Variants in TANC2 observed in about 807,000 individuals in gnomAD.
TANC2 encodes the protein tetratricopeptide repeat, ankyrin repeat and coiled-coil containing 2, also known as protein TANC2.
A neutral mutation model predicts 210.5 loss-of-function variants in TANC2; 26 were observed. The observed-to-expected ratio is 0.12, with a 90% confidence interval of 0.09 to 0.17. TANC2 has a LOEUF of 0.17. Ranked by LOEUF, TANC2 falls within the 10% of genes least tolerant of loss-of-function variation. The pLI is 1.00. For missense variants in TANC2, 2,129 were observed against 2,608.9 expected, an observed-to-expected ratio of 0.82 and a Z score of 4.01; for synonymous variants, 931 against 967.1, an observed-to-expected ratio of 0.96 and a Z score of 0.69.
chr17:63,389,031 G>T (rs2047876752), intron 16 of TANC2, among the ~76,000 whole-genome samples: 1 of 152,146 alleles, frequency 6.6e-6, no homozygotes, highest in Non-Finnish European at 1.5e-5. Flanking sequence ...CTTTGTCTTG[G>T]TAGGAGCTTT....
At chr17:63,365,518 G>T (rs1307825594) in intron 14 of TANC2, among the ~76,000 whole-genome samples, 1 of 152,164 alleles carries the variant, frequency 6.6e-6, no homozygotes, top group Admixed American at 6.5e-5. Context: ...ATCAGACCAT[G>T]TAACCTCTTC....
At chr17:63,424,511 C>T (rs1265130129) in exon 28 of TANC2, 2 of 152,198 alleles carry the variant, frequency 1.3e-5, no homozygotes, top group Non-Finnish European at 2.9e-5. Flanking sequence ...CAGCAGCAAA[C>T]ACTCGCTGAG....
Position 63,420,507 on chromosome 17 carries a change from C to T in TANC2, c.4777C>T (p.His1593Tyr), listed in dbSNP as rs747152020. 9 of 1,613,976 alleles carry T rather than the reference C, an allele frequency of 5.6e-6. No individual in the cohort carries two copies. Among genetic ancestry groups the T allele is most frequent in the Non-Finnish European group, 7.6e-6 (9 of 1,179,860 alleles). ...TAGCCCACCACACACTTCCCCGGCTCATCAGGGAGGATCTTACCGTTTCAG... is the reference window on the plus strand; with the variant it reads ...TAGCCCACCACACACTTCCCCGGCTTATCAGGGAGGATCTTACCGTTTCAG... Residue 1593 changes from histidine (H) to tyrosine (Y), a missense_variant, in exon 28 of 28, where the codon CAT (histidine) becomes TAT (tyrosine). Coordinates refer to ENST00000689528, the Ensembl canonical transcript of TANC2. This position sits in a 1 kb window ranked among gnomAD's most constrained non-coding sequence, Gnocchi z 4.2.
intron 26 of TANC2, among the ~76,000 whole-genome samples, chr17:63,415,879 G>A (rs1388231649): frequency 3.3e-5 from 5 of 152,198 alleles, no homozygotes; most frequent in South Asian, 2.1e-4. Flanking sequence ...TTAATGCTGC[G>A]AGTACTTTGC....
chr17:63,421,218 G>C lies in TANC2; in HGVS notation c.5488G>C (p.Asp1830His). 1 of 1,614,000 alleles carries C rather than the reference G, an allele frequency of 6.2e-7. No homozygotes were observed. Among genetic ancestry groups the C allele is most frequent in the South Asian group, 1.1e-5 (1 of 91,074 alleles). The stretch of plus-strand genomic sequence containing the variant: ...CTCCTCCAGCCAACTAGGTTCCCCT[G>C]ATGTGTCGCATTTAATCAGAAGACC... The change falls in exon 28 of 28, where the codon GAT becomes CAT. Residue 1830 changes from aspartate to histidine, a missense_variant. This residue lies in a region of TANC2 where 584 missense variants were observed against 627.3 expected (regional missense o/e 0.93). Transcript: ENST00000689528. This position sits in a 1 kb window ranked among gnomAD's most constrained non-coding sequence, Gnocchi z 6.9.
At chr17:63,423,464 C>G (rs192574731) in exon 28 of TANC2, 4 of 152,354 alleles carry the variant, frequency 2.6e-5, no homozygotes, top group African/African-American at 9.6e-5. Flanking sequence ...GCTCTTACAA[C>G]TAAACAACTC....
At chr17:63,235,436 C>G (rs966141189) in intron 7 of TANC2, among the ~76,000 whole-genome samples, 3 of 151,964 alleles carry the variant, frequency 2.0e-5, no homozygotes, top group African/African-American at 7.2e-5. Context: ...TTCTGATTTC[C>G]TTTCTCAGGT....
At chr17:63,289,599 G>A (rs1240928094) in intron 9 of TANC2, among the ~76,000 whole-genome samples, 2 of 152,086 alleles carry the variant, frequency 1.3e-5, no homozygotes, top group Admixed American at 6.5e-5. Context: ...ATTGTTGCAT[G>A]CTGTCTACTT....
chr17:63,358,269 T>A (rs1235180494), intron 14 of TANC2, among the ~76,000 whole-genome samples: 1 of 152,084 alleles, frequency 6.6e-6, no homozygotes, highest in African/African-American at 2.4e-5. Context: ...GGACTTGACC[T>A]ACCAGAGAGA....
intron 1 of TANC2, among the ~76,000 whole-genome samples, chr17:63,002,677 A>G (rs2033441501): frequency 6.6e-6 from 1 of 152,148 alleles, no homozygotes; most frequent in Admixed American, 6.5e-5. Context: ...CCAAGAGACA[A>G]CCATTATTCT....
At chr17:63,271,073 G>A (rs1380206340) in intron 9 of TANC2, among the ~76,000 whole-genome samples, 2 of 148,918 alleles carry the variant, frequency 1.3e-5, no homozygotes, top group Admixed American at 1.3e-4. Context: ...ACCATCAATG[G>A]ACATTGAAGT....
chr17:63,250,324 G>A (rs2146148042), intron 8 of TANC2, among the ~76,000 whole-genome samples: 1 of 151,380 alleles, frequency 6.6e-6, no homozygotes, highest in South Asian at 2.1e-4. Context: ...GAATGAATGA[G>A]GCAGGGTCTC....
At chr17:63,361,586 C>T (rs1453146433) in intron 14 of TANC2, among the ~76,000 whole-genome samples, 1 of 152,226 alleles carries the variant, frequency 6.6e-6, no homozygotes, top group Non-Finnish European at 1.5e-5. Flanking sequence ...TTGGAGACAC[C>T]AGGAACTGCT....
rs578172280 is a variant in TANC2, at chr17:63,002,535, C to T, written c.-23-7002C>T. 6.4e-4 allele frequency among the ~76,000 whole-genome samples: 97 copies of T among 152,232 alleles called. 1 individual carries two copies. Among genetic ancestry groups the T allele is most frequent in the Non-Finnish European group, 1.1e-3 (73 of 68,020 alleles). On this transcript the variant is annotated intron_variant, in intron 1 of 27. Coordinates refer to ENST00000689528, the Ensembl canonical transcript of TANC2. Reference sequence around the variant, plus strand: ...CTTTCTCCTATTTAAGCATGAATATCATTAAGTGGATTTTAGCATTTGTTT... The same window carrying T: ...CTTTCTCCTATTTAAGCATGAATATTATTAAGTGGATTTTAGCATTTGTTT...
intron 2 of TANC2, among the ~76,000 whole-genome samples, chr17:63,046,005 A>C (rs1429185468): frequency 6.6e-6 from 1 of 152,138 alleles, no homozygotes; most frequent in Non-Finnish European, 1.5e-5. Flanking sequence ...CTCATTATCC[A>C]ACTACTTAAT....
At chr17:63,177,504 C>G (rs554287042) in intron 5 of TANC2, among the ~76,000 whole-genome samples, 2 of 151,986 alleles carry the variant, frequency 1.3e-5, no homozygotes, top group African/African-American at 4.8e-5. Context: ...TTATCGTAGT[C>G]TGCTAATTAA....
At chr17:63,305,776 G>A (rs2044881088) in intron 9 of TANC2, among the ~76,000 whole-genome samples, 2 of 152,200 alleles carry the variant, frequency 1.3e-5, no homozygotes, top group African/African-American at 2.4e-5. Context: ...AACCTTGACT[G>A]TAATATATGG....
chr17:62,977,519 GT>G (rs1177671734), intron 1 of TANC2, among the ~76,000 whole-genome samples: 1 of 151,868 alleles, frequency 6.6e-6, no homozygotes, highest in Non-Finnish European at 1.5e-5. Flanking sequence ...TAATTTAATT[GT>G]TTTTGTCTTT....
intron 9 of TANC2, among the ~76,000 whole-genome samples, chr17:63,295,288 A>T (rs2044500828): frequency 6.6e-6 from 1 of 152,172 alleles, no homozygotes; most frequent in Admixed American, 6.5e-5. Context: ...TTACGTTTTT[A>T]GAAAATTTTT....
Sources: gnomAD v4.1 joint callset for allele counts (sites outside exome capture counted in the v4.1 genomes callset) on GRCh38, gnomAD v4.1.1 for gene constraint, gnomAD v4.1.1 regional missense constraint, Gnocchi (gnomAD v3.1) non-coding constraint, MANE v1.5 for transcripts, NCBI Gene and HGNC (gene_info 2026-07-23, HGNC 2026-07-21) for gene names.